FGD4: variants seen among roughly 807,000 people sequenced by gnomAD.
FGD4 encodes the protein FYVE, RhoGEF and PH domain containing 4, also known as FYVE, RhoGEF and PH domain-containing protein 4.
Under a neutral mutation model 102.0 loss-of-function variants are expected in FGD4, and 42 were observed. The observed-to-expected ratio is 0.41, with a 90% CI of 0.32 to 0.53. The LOEUF (loss-of-function observed/expected upper bound fraction) is 0.53, where lower values mean the gene tolerates loss of function less well. Ranked by LOEUF, FGD4 falls within the 20% of genes least tolerant of loss-of-function variation. The probability of loss-of-function intolerance (pLI) is 0.21; values close to 1 mark genes in which losing one functional copy is unlikely to be tolerated. For synonymous variants in FGD4, 380 were observed against 375.7 expected (o/e 1.01, Z -0.13); for missense variants, 902 against 1,078.2 (o/e 0.84, Z 2.29).
At chr12:32,548,621 T>G (rs1217592012) in intron 1 of FGD4, among the ~76,000 whole-genome samples, 2 of 152,094 alleles carry the variant, frequency 1.3e-5, no homozygotes, top group Non-Finnish European at 2.9e-5. Flanking sequence ...GGTTGTGGGA[T>G]TTTGCATTTG....
intron 1 of FGD4, among the ~76,000 whole-genome samples, chr12:32,494,212 A>T (rs1007174001): frequency 2.6e-5 from 4 of 151,976 alleles, no homozygotes; most frequent in African/African-American, 7.3e-5. Context: ...CTAACTTTTT[A>T]ATTTTATTTT....
At chr12:32,445,417 G>A (rs1035236094) in intron 1 of FGD4, among the ~76,000 whole-genome samples, 9 of 152,116 alleles carry the variant, frequency 5.9e-5, no homozygotes, top group South Asian at 2.1e-4. Flanking sequence ...TGATTTACTC[G>A]TGGACCATTG....
intron 14 of FGD4, among the ~76,000 whole-genome samples, chr12:32,631,025 A>G (rs116343439): frequency 0.014 from 2,164 of 152,238 alleles, 56 homozygotes; most frequent in African/African-American, 0.049. Flanking sequence ...CTATAAAAAC[A>G]TAATTTTTCT....
At chr12:32,401,640 GC>G (rs1484930799) in intron 1 of FGD4, among the ~76,000 whole-genome samples, 1 of 151,814 alleles carries the variant, frequency 6.6e-6, no homozygotes, top group African/African-American at 2.4e-5. Flanking sequence ...AAGAGGAAGT[GC>G]CCTTTTAGCA....
rs891519560 is a variant in FGD4 at position 32,460,404 on chromosome 12, A to G, written c.166+60445A>G. ...GTGGTGCGTGCCCGTAGCACCAGCT[A>G]CTTGGGAGGCTGATGCTTGAGGTTG... On this transcript the variant is annotated intron_variant, in intron 1 of 16. Transcript: ENST00000534526. Among the ~76,000 whole-genome samples the G allele has an allele frequency of 5.3e-5, 8 of 151,876 alleles. 1 individual carries two copies. Among genetic ancestry groups the G allele is most frequent in the African/African-American group, 1.7e-4 (7 of 41,360 alleles).
intron 14 of FGD4, among the ~76,000 whole-genome samples, chr12:32,630,860 C>T (rs1950462651): frequency 6.6e-6 from 1 of 151,288 alleles, no homozygotes; most frequent in Admixed American, 6.6e-5. Flanking sequence ...CACCCGTAGT[C>T]CCAGCTACTC....
intron 1 of FGD4, among the ~76,000 whole-genome samples, chr12:32,500,255 G>A (rs1938093319): frequency 6.6e-6 from 1 of 152,020 alleles, no homozygotes; most frequent in Admixed American, 6.6e-5. Context: ...TACTTCATAG[G>A]CCCTGTGAGG....
At chr12:32,489,311 A>G (rs575163998) in intron 1 of FGD4, among the ~76,000 whole-genome samples, 1 of 152,310 alleles carries the variant, frequency 6.6e-6, no homozygotes, top group East Asian at 1.9e-4. Flanking sequence ...ATCCTCTAGT[A>G]TTAGAGCTGA....
intron 1 of FGD4, among the ~76,000 whole-genome samples, chr12:32,541,064 T>C (rs190606634): frequency 1.3e-5 from 2 of 152,284 alleles, no homozygotes; most frequent in Admixed American, 1.3e-4. Flanking sequence ...GTTTTAAAAT[T>C]CAGAATTGGA....
At chr12:32,539,576 G>GGAA (rs1555198612) in intron 1 of FGD4, among the ~76,000 whole-genome samples, 1 of 140,766 alleles carries the variant, frequency 7.1e-6, no homozygotes. Flanking sequence ...TCTCAGGGGG[G>GGAA]AAAAAAAAAA....
intron 1 of FGD4, among the ~76,000 whole-genome samples, chr12:32,413,761 G>A (rs997818743): frequency 6.6e-6 from 1 of 152,090 alleles, no homozygotes; most frequent in Non-Finnish European, 1.5e-5. Flanking sequence ...CTGTACTTCG[G>A]ACCATGGTCA....
At chr12:32,572,149 T>TA (rs1486360531) in intron 2 of FGD4, among the ~76,000 whole-genome samples, 2 of 152,144 alleles carry the variant, frequency 1.3e-5, no homozygotes, top group Non-Finnish European at 2.9e-5. Flanking sequence ...AAAATGAACC[T>TA]ACTGTGGTGG....
rs181117985 is a variant in FGD4 at position 32,600,834 on chromosome 12, G to A, written c.1102-444G>A. ...CATACAATTTTAATAGGAAAAATGA[G>A]ACTTATGTCAGCAAACTACAATAAA... On this transcript the variant is annotated intron_variant, in intron 5 of 16. Transcript: ENST00000534526. Among the ~76,000 whole-genome samples the A allele has an allele frequency of 7.9e-5, 12 of 152,098 alleles. 1 individual carries two copies. Among genetic ancestry groups the A allele is most frequent in the Admixed American group, 6.5e-4 (10 of 15,278 alleles).
intron 1 of FGD4, among the ~76,000 whole-genome samples, chr12:32,417,605 A>T (rs1235429698): frequency 2.0e-5 from 3 of 151,738 alleles, no homozygotes; most frequent in Non-Finnish European, 4.4e-5. Context: ...TTACAGGTAC[A>T]TGTCACCATG....
chr12:32,541,531 A>G (rs1942830876), intron 1 of FGD4, among the ~76,000 whole-genome samples: 1 of 152,030 alleles, frequency 6.6e-6, no homozygotes, highest in Non-Finnish European at 1.5e-5. Context: ...ACACCCAGCT[A>G]ATTTTTGTAT....
At chr12:32,560,865 A>T (rs1272578202) in intron 1 of FGD4, among the ~76,000 whole-genome samples, 1 of 150,794 alleles carries the variant, frequency 6.6e-6, no homozygotes, top group Non-Finnish European at 1.5e-5. Flanking sequence ...GCTAATTTTT[A>T]TTTTTTTTAA....
intron 1 of FGD4, among the ~76,000 whole-genome samples, chr12:32,515,907 A>G (rs1249159564): frequency 6.6e-6 from 1 of 152,234 alleles, no homozygotes; most frequent in African/African-American, 2.4e-5. Context: ...TTTGAATGCA[A>G]TACACCTTTT....
intron 1 of FGD4, among the ~76,000 whole-genome samples, chr12:32,430,100 G>C (rs1429835705): frequency 2.0e-5 from 3 of 152,180 alleles, no homozygotes; most frequent in Non-Finnish European, 4.4e-5. Context: ...CTGAGGTCAG[G>C]AGTTTGGGAC....
chr12:32,640,512 T>G lies in FGD4; in HGVS notation c.2691T>G (p.Pro897=). ...HPATLDDHPE[P]KKKSEC ...CCACCTTGGATGATCATCCTGAACCTAAGAAAAAATCAGAATGCTGAACTC... is the reference window on the plus strand; with the variant it reads ...CCACCTTGGATGATCATCCTGAACCGAAGAAAAAATCAGAATGCTGAACTC... The change falls in exon 17 of 17, where the codon CCT becomes CCG. Residue 897 remains proline (P), a synonymous_variant. Transcript: ENST00000534526. The G allele has an allele frequency of 1.9e-6, 3 of 1,613,968 alleles. No homozygotes were observed.
Sources: allele counts gnomAD v4.1 joint callset (sites outside exome capture counted in the v4.1 genomes callset), GRCh38; gene constraint gnomAD v4.1.1; transcripts MANE v1.5; gene names NCBI Gene and HGNC (gene_info 2026-07-23, HGNC 2026-07-21).